Variants in PPARGC1A observed in about 807,000 individuals in gnomAD.
PPARGC1A encodes the protein PPARG coactivator 1 alpha.
Under a neutral mutation model 88.7 loss-of-function variants are expected in PPARGC1A, and 25 were observed. The observed-to-expected ratio is 0.28, with a 90% CI of 0.21 to 0.39. The LOEUF (loss-of-function observed/expected upper bound fraction) is 0.39. Among genes scored for constraint, PPARGC1A ranks in the 10% least tolerant of loss-of-function variants. The probability of loss-of-function intolerance (pLI) is 1.00; values close to 1 mark genes in which losing one functional copy is unlikely to be tolerated. For missense variants in PPARGC1A, 880 were observed against 968.7 expected (o/e 0.91, Z 1.22); for synonymous variants, 363 against 355.6 (o/e 1.02, Z -0.24).
chr4:24,246,399 G>A, the PPARGC1A span, among the ~76,000 whole-genome samples: 5 of 152,110 alleles, frequency 3.3e-5, no homozygotes, highest in African/African-American at 9.7e-5. Flanking sequence ...TGAGTCAGGC[G>A]GAGCACTGGA....
the PPARGC1A span, among the ~76,000 whole-genome samples, chr4:24,369,693 T>C: frequency 6.6e-6 from 1 of 152,196 alleles, no homozygotes; most frequent in Admixed American, 6.5e-5. Context: ...TGCAAAGCTG[T>C]AGCTATAAAT....
the PPARGC1A span, among the ~76,000 whole-genome samples, chr4:24,472,463 C>A: frequency 6.6e-6 from 1 of 152,094 alleles, no homozygotes; most frequent in African/African-American, 2.4e-5. This position sits in a 1 kb window ranked among gnomAD's most constrained non-coding sequence, Gnocchi z 4.5. Flanking sequence ...GCCCGCCATG[C>A]TCTGGATGCA....
the PPARGC1A span, among the ~76,000 whole-genome samples, chr4:24,071,538 A>G: frequency 1.3e-5 from 2 of 151,888 alleles, no homozygotes; most frequent in Non-Finnish European, 2.9e-5. Flanking sequence ...TAAGTACATT[A>G]TAATTTTTAT....
intron 10 of PPARGC1A, among the ~76,000 whole-genome samples, chr4:23,806,773 T>G (rs904936746): frequency 6.6e-6 from 1 of 151,984 alleles, no homozygotes; most frequent in South Asian, 2.1e-4. Flanking sequence ...TCAAAAAGAG[T>G]CTAGAGCTTC....
chr4:23,822,383 T>G (rs766869812), intron 7 of PPARGC1A, among the ~76,000 whole-genome samples: 14 of 152,080 alleles, frequency 9.2e-5, no homozygotes, highest in Non-Finnish European at 1.9e-4. Context: ...GAGAGCTTAA[T>G]TTCCTCCACA....
chr4:23,868,539 G>A (rs1034677406), intron 2 of PPARGC1A, among the ~76,000 whole-genome samples: 4 of 152,158 alleles, frequency 2.6e-5, no homozygotes, highest in African/African-American at 9.7e-5. Flanking sequence ...GACTGAGGAG[G>A]TGATGAGGTC....
chr4:24,155,231 G>T, the PPARGC1A span, among the ~76,000 whole-genome samples: 1 of 151,838 alleles, frequency 6.6e-6, no homozygotes, highest in South Asian at 2.1e-4. Context: ...ATTGAAGAAG[G>T]CAGATGCTTA....
chr4:24,364,716 T>C, the PPARGC1A span, among the ~76,000 whole-genome samples: 2 of 152,212 alleles, frequency 1.3e-5, no homozygotes, highest in African/African-American at 4.8e-5. Flanking sequence ...TGAATATACA[T>C]ATGTATTTGT....
At chr4:24,052,821 C>A in the PPARGC1A span, among the ~76,000 whole-genome samples, 1 of 143,282 alleles carries the variant, frequency 7.0e-6, no homozygotes, top group African/African-American at 2.6e-5. Flanking sequence ...TTATAGAAGT[C>A]ATTCCAAGGA....
chr4:24,296,149 C>CA, the PPARGC1A span, among the ~76,000 whole-genome samples: 1 of 150,104 alleles, frequency 6.7e-6, no homozygotes, highest in Non-Finnish European at 1.5e-5. Context: ...TACACACACA[C>CA]GATAGCTTCC....
At chr4:23,990,095 A>T in the PPARGC1A span, among the ~76,000 whole-genome samples, 1 of 145,048 alleles carries the variant, frequency 6.9e-6, no homozygotes, top group African/African-American at 2.5e-5. Flanking sequence ...TATATATTAC[A>T]TATTAATTAT....
chr4:24,472,678 CGCCGCCGCCGCT>C, the PPARGC1A span, among the ~76,000 whole-genome samples: 4 of 151,918 alleles, frequency 2.6e-5, no homozygotes, highest in Non-Finnish European at 5.9e-5. The surrounding 1 kb of genome is among the most constrained non-coding windows in gnomAD (Gnocchi z 4.5). Context: ...CCGCCGCCGC[CGCCGCCGCCGCT>C]GCCGCCTTCT....
At chr4:23,825,704 T>C (rs981429146) in intron 5 of PPARGC1A, among the ~76,000 whole-genome samples, 1 of 152,104 alleles carries the variant, frequency 6.6e-6, no homozygotes, top group East Asian at 1.9e-4. Context: ...GACACTTTAC[T>C]TGGATAAATA....
At chr4:24,051,198 A>AC in the PPARGC1A span, among the ~76,000 whole-genome samples, 4 of 150,738 alleles carry the variant, frequency 2.7e-5, 1 homozygote, top group African/African-American at 7.3e-5. Flanking sequence ...AAAAAAAAAA[A>AC]AAAAAAAAAA....
intron 2 of PPARGC1A, among the ~76,000 whole-genome samples, chr4:23,832,659 G>A (rs1008538631): frequency 4.0e-5 from 6 of 149,508 alleles, no homozygotes; most frequent in Admixed American, 2.0e-4. Context: ...GCCCAGACTG[G>A]AGTGCAGTGG....
At chr4:24,290,003 AAG>A in the PPARGC1A span, among the ~76,000 whole-genome samples, 2 of 152,162 alleles carry the variant, frequency 1.3e-5, no homozygotes, top group Admixed American at 6.5e-5. Flanking sequence ...GCAGGCAAAA[AAG>A]CTTGTGCAGG....
chr4:24,287,662 ACAC>A, the PPARGC1A span, among the ~76,000 whole-genome samples: 2 of 150,280 alleles, frequency 1.3e-5, no homozygotes, highest in Admixed American at 6.7e-5. Flanking sequence ...ACACACACAC[ACAC>A]AACTGCACTC....
the PPARGC1A span, among the ~76,000 whole-genome samples, chr4:24,182,697 G>T: frequency 6.6e-6 from 1 of 152,146 alleles, no homozygotes. Context: ...ATTCTAACTG[G>T]TGTGAGATGA....
At chr4:24,144,185 C>A in the PPARGC1A span, among the ~76,000 whole-genome samples, 1 of 152,144 alleles carries the variant, frequency 6.6e-6, no homozygotes, top group Non-Finnish European at 1.5e-5. Flanking sequence ...CGGTTTAGTC[C>A]TGTGATGATT....
Sources: gnomAD v4.1 joint callset for allele counts (sites outside exome capture counted in the v4.1 genomes callset) on GRCh38, gnomAD v4.1.1 for gene constraint, Gnocchi (gnomAD v3.1) non-coding constraint, MANE v1.5 for transcripts, NCBI Gene and HGNC (gene_info 2026-07-23, HGNC 2026-07-21) for gene names.